MAGI2: variants seen among roughly 807,000 people sequenced by gnomAD.
MAGI2 encodes membrane-associated guanylate kinase, WW and PDZ domain-containing protein 2.
MAGI2 carries 35 observed loss-of-function variants against 133.3 expected under a neutral mutation model. The observed-to-expected ratio is 0.26, with a 90% CI of 0.20 to 0.35. The LOEUF (loss-of-function observed/expected upper bound fraction) is 0.35, where lower values mean the gene tolerates loss of function less well. MAGI2 is among the 10% of genes least tolerant of loss of function. MAGI2 has a pLI of 1.00. For synonymous variants in MAGI2, 729 were observed against 710.6 expected (o/e 1.03, Z -0.41); for missense variants, 1,636 against 1,863.4 (o/e 0.88, Z 2.25).
Position 78,640,753 on chromosome 7 carries a change from C to T in MAGI2, c.419-13514G>A, listed in dbSNP as rs566763801. Among the ~76,000 whole-genome samples the T allele has an allele frequency of 7.6e-4, 116 of 152,344 alleles. 1 individual carries two copies. The highest frequency in any genetic ancestry group is 2.7e-3 in the African/African-American group (112 of 41,588). On this transcript the variant is annotated intron_variant, in intron 2 of 21. Coordinates refer to ENST00000354212, the MANE Select transcript of MAGI2 (RefSeq NM_012301.4). ...CTTTCAGACCCAAAGTATTAAGTAT[C>T]ACTGCCTAAAAGAAGGGGCAGAGCA...
intron 2 of MAGI2, among the ~76,000 whole-genome samples, chr7:78,668,743 A>G (rs2151065097): frequency 6.6e-6 from 1 of 151,964 alleles, no homozygotes; most frequent in East Asian, 1.9e-4. Flanking sequence ...AGTGCAATCA[A>G]AGTAGAACTC....
chr7:79,043,214 A>G lies in MAGI2; in HGVS notation c.302-36008T>C, dbSNP rs557318855. On this transcript the variant is annotated intron_variant, in intron 1 of 21. Transcript: ENST00000354212. ...AAGCCAACCCCAAAGCAAGCAGAAA[A>G]AAAGAAATAACCAAAGTCAGAGCTG... is the stretch of plus-strand genomic sequence containing the variant. Among the ~76,000 whole-genome samples, 7 of 152,142 alleles carry G rather than the reference A, an allele frequency of 4.6e-5. No homozygotes were observed. In the East Asian group the frequency reaches 1.4e-3, roughly 30 times the overall value.
chr7:79,453,054 G>A lies in MAGI2; in HGVS notation c.267C>T (p.Cys89=). The A allele has an allele frequency of 1.2e-6, 2 of 1,609,326 alleles. No individual in the cohort carries two copies. Among genetic ancestry groups the A allele is most frequent in the Middle Eastern group, 1.7e-4 (1 of 6,030 alleles). The change falls in exon 1 of 22, where the codon TGC becomes TGT. Residue 89 remains cysteine (C), a synonymous_variant. Transcript: ENST00000354212. ...IRDVLAVIKH[C]KDPLRLKCVK... Reference sequence around the variant, plus strand: ...CACACTTGAGCCGGAGGGGGTCCTTGCAGTGTTTGATCACGGCCAGCACGT... The same window carrying A: ...CACACTTGAGCCGGAGGGGGTCCTTACAGTGTTTGATCACGGCCAGCACGT...
intron 6 of MAGI2, among the ~76,000 whole-genome samples, chr7:78,460,831 C>G (rs1025916975): frequency 2.0e-5 from 3 of 152,114 alleles, no homozygotes; most frequent in African/African-American, 7.2e-5. Context: ...GGACACTGCC[C>G]TATATGTAAG....
At chr7:79,067,861 A>C (rs1814527267) in intron 1 of MAGI2, among the ~76,000 whole-genome samples, 1 of 152,196 alleles carries the variant, frequency 6.6e-6, no homozygotes, top group South Asian at 2.1e-4. Flanking sequence ...TATTGAGATA[A>C]TCATGTGGTT....
chr7:78,373,995 A>G (rs1250586140), intron 6 of MAGI2, among the ~76,000 whole-genome samples: 1 of 152,036 alleles, frequency 6.6e-6, no homozygotes, highest in African/African-American at 2.4e-5. Context: ...TATCCAATCC[A>G]CCATTGTTGG....
chr7:78,164,293 G>A (rs1472594267), intron 15 of MAGI2, among the ~76,000 whole-genome samples: 1 of 152,200 alleles, frequency 6.6e-6, no homozygotes, highest in Non-Finnish European at 1.5e-5. Flanking sequence ...TGACAGCATT[G>A]CAGACAGGCA....
rs551618433 is a variant in MAGI2, at chr7:78,687,695, G to A, written c.419-60456C>T. ...TGCAAAATGAGCTTATAGACTGGGCGCGGTGGCTCACGCCTGTAATCCCAG... is the reference window on the plus strand; with the variant it reads ...TGCAAAATGAGCTTATAGACTGGGCACGGTGGCTCACGCCTGTAATCCCAG... On this transcript the variant is annotated intron_variant, in intron 2 of 21. Coordinates refer to ENST00000354212, the MANE Select transcript of MAGI2 (RefSeq NM_012301.4). Among the ~76,000 whole-genome samples, 372 of 152,096 alleles carry A rather than the reference G, an allele frequency of 2.4e-3. 6 individuals carry two copies. The highest frequency in any genetic ancestry group is 2.0e-3 in the Non-Finnish European group (135 of 67,962).
At chr7:79,342,785 G>A (rs1339377277) in intron 1 of MAGI2, among the ~76,000 whole-genome samples, 1 of 151,960 alleles carries the variant, frequency 6.6e-6, no homozygotes, top group Non-Finnish European at 1.5e-5. Context: ...TTGAGACAGA[G>A]TTTCGCTTTT....
At chr7:78,871,311 AAAT>A (rs528142949) in intron 2 of MAGI2, among the ~76,000 whole-genome samples, 2 of 151,582 alleles carry the variant, frequency 1.3e-5, no homozygotes, top group African/African-American at 4.9e-5. Flanking sequence ...CTCCATCTCA[AAAT>A]AATAATAATA....
At position 78,178,089 on chromosome 7, in the gene MAGI2, C is replaced by T; in HGVS notation, c.2325G>A (p.Lys775=). Residue 775 remains lysine, a synonymous_variant, in exon 14 of 22, where the codon AAG becomes AAA. Transcript: ENST00000354212. ...TCCTCCGAAGATGAACATCCAATTC[C>T]TTATAATCTGGACCTGGCATAAAGG... ...FRMDSSGPDY[K]ELDVHLRRME... 6.2e-7 allele frequency: 1 copy of T among 1,612,132 alleles called. No individual in the cohort carries two copies. Among genetic ancestry groups the T allele is most frequent in the Non-Finnish European group, 8.5e-7 (1 of 1,178,440 alleles).
intron 2 of MAGI2, among the ~76,000 whole-genome samples, chr7:78,682,548 C>T (rs1189775339): frequency 6.6e-6 from 1 of 152,150 alleles, no homozygotes; most frequent in Non-Finnish European, 1.5e-5. Flanking sequence ...ACGACATGAA[C>T]TCATCCTTTT....
At chr7:79,139,398 G>C (rs1445940186) in intron 1 of MAGI2, among the ~76,000 whole-genome samples, 1 of 152,088 alleles carries the variant, frequency 6.6e-6, no homozygotes, top group Non-Finnish European at 1.5e-5. Context: ...TATTTTCTCT[G>C]TTTTACAGAT....
intron 1 of MAGI2, among the ~76,000 whole-genome samples, chr7:79,372,155 A>C (rs1431214036): frequency 6.6e-6 from 1 of 152,132 alleles, no homozygotes; most frequent in African/African-American, 2.4e-5. Flanking sequence ...ACAGATTAGC[A>C]GACCAACGCA....
intron 1 of MAGI2, among the ~76,000 whole-genome samples, chr7:79,145,087 G>A (rs1822489984): frequency 6.6e-6 from 1 of 152,106 alleles, no homozygotes; most frequent in Admixed American, 6.6e-5. Context: ...GCTGACCTGG[G>A]CTTTAGGATT....
At chr7:78,281,884 C>CAA (rs60871451) in intron 9 of MAGI2, among the ~76,000 whole-genome samples, 23,564 of 139,538 alleles carry the variant, frequency 0.17, 2,229 homozygotes, top group Middle Eastern at 0.28. Context: ...AACTCCATCT[C>CAA]AAAAAAAAAA....
chr7:79,165,173 TTTTTTG>T (rs1041655691), intron 1 of MAGI2, among the ~76,000 whole-genome samples: 76 of 150,766 alleles, frequency 5.0e-4, no homozygotes, highest in African/African-American at 1.8e-3. Context: ...TTTTTGTTTG[TTTTTTG>T]TTTTTTTTTT....
intron 7 of MAGI2, among the ~76,000 whole-genome samples, chr7:78,360,242 T>C (rs1279357516): frequency 6.6e-6 from 1 of 152,222 alleles, no homozygotes; most frequent in East Asian, 1.9e-4. Context: ...GTTATGTATC[T>C]ATTAAAGATC....
In MAGI2 at chr7:79,453,557, T is replaced by G. The variant is rs1400398093; in HGVS notation, c.-237A>C. On this transcript the variant is annotated 5_prime_UTR_variant, in exon 1 of 22. Coordinates refer to ENST00000354212, the MANE Select transcript of MAGI2 (RefSeq NM_012301.4). ...GCTTGGATGAGGTTGTGCTGTCCCT[T>G]GAATGACACTCAAGGCTGTGGCCCC... 5.5e-6 allele frequency: 7 copies of G among 1,261,966 alleles called. No individual in the cohort carries two copies. The highest frequency in any genetic ancestry group is 7.0e-6 in the Non-Finnish European group (7 of 1,004,484). The allele number at this position is 1,261,966 out of a possible 1,614,324, so 78.2% of individuals were successfully genotyped here. A position where few individuals can be genotyped will look rare whatever the true frequency, so the allele number is the denominator to read the frequency against.
Sources: gnomAD v4.1 joint callset for allele counts (sites outside exome capture counted in the v4.1 genomes callset) on GRCh38, gnomAD v4.1.1 for gene constraint, MANE v1.5 for transcripts, NCBI Gene and HGNC (gene_info 2026-07-23, HGNC 2026-07-21) for gene names.